The following RANBP3 variants were observed in gnomAD, a reference collection of about 807,000 sequenced individuals.
RANBP3 encodes the protein ran-binding protein 3.
RANBP3 carries 14 observed loss-of-function variants against 77.3 expected under a neutral mutation model. The observed-to-expected ratio is 0.18, with a 90% CI of 0.12 to 0.28. The LOEUF (loss-of-function observed/expected upper bound fraction) is 0.28. Among genes scored for constraint, RANBP3 ranks in the 10% least tolerant of loss-of-function variants. The probability of loss-of-function intolerance (pLI) is 1.00; values close to 1 mark genes in which losing one functional copy is unlikely to be tolerated. For synonymous variants in RANBP3, 315 were observed against 312.4 expected, an observed-to-expected ratio of 1.01 and a Z score of -0.09; for missense variants, 586 against 752.3, an observed-to-expected ratio of 0.78 and a Z score of 2.59.
At chr19:5,951,034 G>C (rs1403974777) in intron 3 of RANBP3, among the ~76,000 whole-genome samples, 1 of 152,152 alleles carries the variant, frequency 6.6e-6, no homozygotes, top group African/African-American at 2.4e-5. Flanking sequence ...CGCATTCAGG[G>C]AAACAAGAAG....
intron 1 of RANBP3, among the ~76,000 whole-genome samples, chr19:5,965,245 C>T (rs369968870): frequency 4.6e-5 from 7 of 151,400 alleles, no homozygotes; most frequent in African/African-American, 1.7e-4. Context: ...ACCCTGAACC[C>T]TGATGAAGTC....
intron 5 of RANBP3, chr19:5,935,828 A>G (rs1314959469): frequency 6.6e-6 from 3 of 456,516 alleles, no homozygotes; most frequent in South Asian, 3.1e-5. Flanking sequence ...CATTCCTTCC[A>G]GAAATTTTCT....
chr19:5,961,300 G>A (rs1007658190), intron 1 of RANBP3, among the ~76,000 whole-genome samples: 2 of 151,938 alleles, frequency 1.3e-5, no homozygotes, highest in Admixed American at 1.3e-4. Context: ...AAAATTAGCC[G>A]GGCGTGGTGG....
intron 1 of RANBP3, among the ~76,000 whole-genome samples, chr19:5,963,152 TTTTTTG>T (rs1344045768): frequency 2.6e-5 from 4 of 152,266 alleles, no homozygotes; most frequent in East Asian, 3.9e-4. Context: ...AGTGGTTGGG[TTTTTTG>T]TTTTTGTTTT....
intron 1 of RANBP3, among the ~76,000 whole-genome samples, chr19:5,961,470 T>G (rs1599785761): frequency 6.7e-6 from 1 of 148,688 alleles, no homozygotes; most frequent in African/African-American, 2.5e-5. Flanking sequence ...CAGTGGCTCA[T>G]GCCTGTAATC....
intron 6 of RANBP3, 119 bp downstream of exon 6, chr19:5,933,295 C>G: frequency 1.3e-6 from 1 of 787,208 alleles, no homozygotes; most frequent in Non-Finnish European, 2.0e-6. Context: ...GCTCGTGGGT[C>G]AAGTTACAAG....
At chr19:5,945,525 G>A (rs999075369) in intron 3 of RANBP3, among the ~76,000 whole-genome samples, 2 of 152,156 alleles carry the variant, frequency 1.3e-5, no homozygotes, top group Admixed American at 1.3e-4. Context: ...CCCACTGTTT[G>A]GGTGGGGTGA....
intron 5 of RANBP3, 48 bp from the exon 6 acceptor site, chr19:5,933,527 G>GCTGGGC (rs1180551596): frequency 1.9e-6 from 3 of 1,565,226 alleles, no homozygotes; most frequent in East Asian, 2.3e-5. Context: ...CTGGGCTGGG[G>GCTGGGC]CTGGGCCTGG....
At chr19:5,927,793 G>A (rs1436787455) in intron 9 of RANBP3, among the ~76,000 whole-genome samples, 175 bp downstream of exon 9, 2 of 152,196 alleles carry the variant, frequency 1.3e-5, no homozygotes, top group African/African-American at 4.8e-5. Flanking sequence ...AAGTGCCAGG[G>A]CCCAGCACAC....
chr19:5,930,348 G>A (rs2057972626), intron 8 of RANBP3, among the ~76,000 whole-genome samples: 1 of 152,208 alleles, frequency 6.6e-6, no homozygotes, highest in African/African-American at 2.4e-5. Flanking sequence ...TGGGGATGGA[G>A]GGTATAAAAC....
At chr19:5,951,702 G>T in intron 2 of RANBP3, 106 bp from the exon 3 acceptor site, 1 of 1,033,222 alleles carries the variant, frequency 9.7e-7, no homozygotes, top group Non-Finnish European at 1.4e-6. Context: ...GCTTGCAGCA[G>T]CTCCTGCGCC....
At chr19:5,947,075 A>G (rs376107214) in intron 3 of RANBP3, among the ~76,000 whole-genome samples, 23 of 152,294 alleles carry the variant, frequency 1.5e-4, no homozygotes, top group African/African-American at 5.1e-4. Flanking sequence ...GCACTTTGGG[A>G]GGCCTGGGCG....
chr19:5,922,805 TGG>T (rs950686872), intron 13 of RANBP3, among the ~76,000 whole-genome samples: 5 of 152,116 alleles, frequency 3.3e-5, no homozygotes, highest in Admixed American at 2.6e-4. Context: ...CCTGGCGTGG[TGG>T]TGCACACCTG....
rs1293215067 is a variant in RANBP3 at position 5,923,307 on chromosome 19, A to G, written c.1100-4T>C. 1.2e-6 allele frequency: 2 copies of G among 1,613,610 alleles called. No homozygotes were observed. Among genetic ancestry groups the G allele is most frequent in the Non-Finnish European group, 1.7e-6 (2 of 1,179,658 alleles). On this transcript the variant is annotated splice_polypyrimidine_tract_variant and splice_region_variant and intron_variant, in intron 12 of 16. Coordinates refer to ENST00000340578, the MANE Select transcript of RANBP3 (RefSeq NM_007322.3). ...GCTGCCGACTCAGCCAGGGACTCTG[A>G]AAAGTTATTGGCCAAAAAGACTGAC...
intron 16 of RANBP3, 46 bp downstream of exon 16, chr19:5,917,748 G>T: frequency 6.3e-7 from 1 of 1,585,554 alleles, no homozygotes. Flanking sequence ...CAAGGATGGC[G>T]GGCAGCTCTT....
intron 12 of RANBP3, among the ~76,000 whole-genome samples, 170 bp from the exon 13 acceptor site, chr19:5,923,473 G>A (rs1200967329): frequency 2.0e-5 from 3 of 152,122 alleles, no homozygotes; most frequent in East Asian, 3.9e-4. Context: ...CAGAGCATAT[G>A]GCCTCAGAAG....
intron 10 of RANBP3, chr19:5,925,375 C>T: frequency 1.8e-6 from 1 of 566,162 alleles, no homozygotes; most frequent in Non-Finnish European, 3.2e-6. Context: ...AAGGGCTGGG[C>T]TGTAGCCTCC....
Position 5,924,782 on chromosome 19 carries a change from C to T in RANBP3, c.996+45G>A, listed in dbSNP as rs971854278. Reference sequence around the variant, plus strand: ...TGTCCCCTTGACCTGTGGCTGGCGCCGAGAGCCTCTGGTCCCTGAGAACAT... The same window carrying T: ...TGTCCCCTTGACCTGTGGCTGGCGCTGAGAGCCTCTGGTCCCTGAGAACAT... On this transcript the variant is annotated intron_variant, in intron 11 of 16. Coordinates refer to ENST00000340578, the MANE Select transcript of RANBP3 (RefSeq NM_007322.3). This position sits in a 1 kb window ranked among gnomAD's most constrained non-coding sequence, Gnocchi z 4.7. 12 of 1,572,752 alleles carry T rather than the reference C, an allele frequency of 7.6e-6. No homozygotes were observed. Among genetic ancestry groups the T allele is most frequent in the Admixed American group, 1.7e-5 (1 of 59,978 alleles).
At chr19:5,971,457 C>T (rs1451470687) in intron 1 of RANBP3, among the ~76,000 whole-genome samples, 1 of 152,076 alleles carries the variant, frequency 6.6e-6, no homozygotes, top group Non-Finnish European at 1.5e-5. Context: ...TGCCACTGTG[C>T]CCGGCCTGAA....
Sources: allele counts gnomAD v4.1 joint callset (sites outside exome capture counted in the v4.1 genomes callset), GRCh38; gene constraint gnomAD v4.1.1; non-coding constraint Gnocchi (gnomAD v3.1); transcripts MANE v1.5; gene names NCBI Gene and HGNC (gene_info 2026-07-23, HGNC 2026-07-21).